TTLL5: variants seen among roughly 807,000 people sequenced by gnomAD.
The protein encoded by TTLL5 is tubulin tyrosine ligase like 5, also known as tubulin polyglutamylase TTLL5.
In TTLL5, 132 loss-of-function variants were observed where a neutral mutation model predicts 168.4. The ratio of observed to expected loss-of-function variants is 0.78; its 90% CI spans 0.68 to 0.91. TTLL5 has a LOEUF of 0.91. TTLL5 is among the 40% of genes least tolerant of loss of function. The probability of loss-of-function intolerance (pLI) is 0.00; values close to 1 mark genes in which losing one functional copy is unlikely to be tolerated. For synonymous variants in TTLL5, 546 were observed against 558.6 expected (o/e 0.98, Z 0.32); for missense variants, 1,545 against 1,581.5 (o/e 0.98, Z 0.39).
At chr14:75,730,308 A>T (rs1358940115) in intron 12 of TTLL5, among the ~76,000 whole-genome samples, 1 of 152,236 alleles carries the variant, frequency 6.6e-6, no homozygotes, top group African/African-American at 2.4e-5. Context: ...TGAAGATTAG[A>T]TCAGCTATTG....
At chr14:75,724,721 T>C (rs960886093) in intron 12 of TTLL5, among the ~76,000 whole-genome samples, 1 of 152,208 alleles carries the variant, frequency 6.6e-6, no homozygotes, top group African/African-American at 2.4e-5. Context: ...TTTTGATTTA[T>C]AGAATTTTTT....
At chr14:75,817,725 G>A (rs372600941) in intron 27 of TTLL5, among the ~76,000 whole-genome samples, 3 of 151,322 alleles carry the variant, frequency 2.0e-5, no homozygotes, top group African/African-American at 7.3e-5. Context: ...AGTGTCTCAT[G>A]CTTAAAATCC....
intron 3 of TTLL5, among the ~76,000 whole-genome samples, chr14:75,673,134 T>TG (rs375262074): frequency 1.7e-3 from 251 of 151,438 alleles, no homozygotes; most frequent in Middle Eastern, 3.4e-3. Context: ...TTTGTAGAGA[T>TG]GGGGGGGTCT....
At chr14:75,800,374 G>A (rs969043343) in intron 27 of TTLL5, among the ~76,000 whole-genome samples, 4 of 152,018 alleles carry the variant, frequency 2.6e-5, no homozygotes, top group African/African-American at 9.7e-5. Flanking sequence ...TCCATGTCCT[G>A]TATTATTATT....
intron 28 of TTLL5, among the ~76,000 whole-genome samples, chr14:75,854,366 G>A (rs1020545195): frequency 5.3e-5 from 8 of 152,078 alleles, no homozygotes; most frequent in South Asian, 2.1e-4. Flanking sequence ...CAGTTCATTC[G>A]TTTTTATTGA....
At chr14:75,798,765 C>G (rs542479708) in intron 27 of TTLL5, among the ~76,000 whole-genome samples, 115 of 152,186 alleles carry the variant, frequency 7.6e-4, no homozygotes, top group Non-Finnish European at 1.1e-3. Flanking sequence ...CATGTACTTG[C>G]ATGGTGTTGA....
chr14:75,930,348 A>G (rs2034234986), intron 31 of TTLL5, among the ~76,000 whole-genome samples: 1 of 152,218 alleles, frequency 6.6e-6, no homozygotes, highest in Admixed American at 6.5e-5. Context: ...CCTAATCTAC[A>G]AATGCAAAAT....
intron 18 of TTLL5, among the ~76,000 whole-genome samples, chr14:75,762,743 T>G (rs1427534550): frequency 6.6e-6 from 1 of 152,242 alleles, no homozygotes; most frequent in South Asian, 2.1e-4. Flanking sequence ...TAGTAGCTTC[T>G]CCATATCTGT....
intron 31 of TTLL5, among the ~76,000 whole-genome samples, chr14:75,923,716 T>C (rs1286424416): frequency 6.6e-6 from 1 of 152,232 alleles, no homozygotes; most frequent in African/African-American, 2.4e-5. Context: ...ACTATAGATG[T>C]CTATTAGGTC....
chr14:75,789,175 T>C (rs1052254227), intron 26 of TTLL5, among the ~76,000 whole-genome samples: 21 of 152,130 alleles, frequency 1.4e-4, no homozygotes, highest in African/African-American at 5.1e-4. Flanking sequence ...CTCTTTAACA[T>C]TGAGAACAAG....
intron 28 of TTLL5, among the ~76,000 whole-genome samples, chr14:75,848,777 G>C (rs754156621): frequency 1.3e-5 from 2 of 152,190 alleles, no homozygotes; most frequent in Non-Finnish European, 2.9e-5. Flanking sequence ...TCCATAACCA[G>C]CTCACTGCTA....
At chr14:75,823,713 A>G (rs1595102243) in intron 28 of TTLL5, among the ~76,000 whole-genome samples, 1 of 152,158 alleles carries the variant, frequency 6.6e-6, no homozygotes, top group Non-Finnish European at 1.5e-5. Flanking sequence ...CACAGCTGTG[A>G]GTTTGTTCCT....
intron 31 of TTLL5, among the ~76,000 whole-genome samples, chr14:75,953,129 A>G (rs919960983): frequency 6.6e-6 from 1 of 152,360 alleles, no homozygotes; most frequent in South Asian, 2.1e-4. Flanking sequence ...CTTATGCACA[A>G]TAGATACTTG....
At chr14:75,812,737 G>A (rs1377003063) in intron 27 of TTLL5, among the ~76,000 whole-genome samples, 2 of 152,130 alleles carry the variant, frequency 1.3e-5, no homozygotes, top group African/African-American at 4.8e-5. Context: ...GCATTGAATG[G>A]TTCCTTTTAC....
At chr14:75,767,614 G>T (rs1337177844) in intron 20 of TTLL5, among the ~76,000 whole-genome samples, 2 of 152,186 alleles carry the variant, frequency 1.3e-5, no homozygotes, top group South Asian at 4.1e-4. Context: ...GAAGAGCATG[G>T]TAAGAAATGA....
intron 31 of TTLL5, among the ~76,000 whole-genome samples, chr14:75,924,813 C>G (rs1383720608): frequency 1.3e-5 from 2 of 151,936 alleles, no homozygotes; most frequent in South Asian, 2.1e-4. Context: ...CCTCCCAGAC[C>G]GGGTGGTGGC....
rs74786991 is a variant in TTLL5 at position 75,771,418 on chromosome 14, A to G, written c.2016-316A>G. On this transcript the variant is annotated intron_variant, in intron 20 of 31. Coordinates refer to ENST00000298832, the MANE Select transcript of TTLL5 (RefSeq NM_015072.5). ...ACTGCAGCCTGGGTGACAGAATGAG[A>G]CCTTGTCTCAAAAAAAAAATTTCAA... Among the ~76,000 whole-genome samples the G allele has an allele frequency of 3.9e-5, 6 of 152,200 alleles. No individual in the cohort carries two copies. In the East Asian group the frequency reaches 1.2e-3, roughly 29 times the overall value.
rs1029182937 is a variant in TTLL5 at position 75,942,207 on chromosome 14, C to T, written c.3824-12217C>T. On this transcript the variant is annotated intron_variant, in intron 31 of 31. Transcript: ENST00000298832. ...CAAAAAAAAAAAAAAAATGTGTATC[C>T]CTTAACCTTCAGACAGCTGATGAGT... Among the ~76,000 whole-genome samples the T allele has an allele frequency of 1.2e-4, 18 of 151,958 alleles. 1 individual carries two copies. Among genetic ancestry groups the T allele is most frequent in the Non-Finnish European group, 4.4e-5 (3 of 67,984 alleles).
chr14:75,914,054 A>T (rs1489981612), intron 31 of TTLL5, among the ~76,000 whole-genome samples: 1 of 123,730 alleles, frequency 8.1e-6, no homozygotes, highest in Non-Finnish European at 1.6e-5. Context: ...ATATATATAT[A>T]TTTTATCCCC....
Sources: gnomAD v4.1 joint callset for allele counts (sites outside exome capture counted in the v4.1 genomes callset) on GRCh38, gnomAD v4.1.1 for gene constraint, MANE v1.5 for transcripts, NCBI Gene and HGNC (gene_info 2026-07-23, HGNC 2026-07-21) for gene names.